The following SLIT1 variants were observed in gnomAD, a reference collection of about 807,000 sequenced individuals.
SLIT1 encodes the protein slit homolog 1 protein.
Under a neutral mutation model 186.1 loss-of-function variants are expected in SLIT1, and 66 were observed. The ratio of observed to expected loss-of-function variants is 0.35; its 90% CI spans 0.29 to 0.44. The LOEUF is 0.44. Among genes scored for constraint, SLIT1 ranks in the 20% least tolerant of loss-of-function variants. The probability of loss-of-function intolerance (pLI) is 1.00; values close to 1 mark genes in which losing one functional copy is unlikely to be tolerated. For synonymous variants in SLIT1, 761 were observed against 833.8 expected (o/e 0.91, Z 1.50); for missense variants, 1,638 against 2,037.4 (o/e 0.80, Z 3.77).
rs753216640 is a variant in SLIT1, at chr10:97,171,995, C to G, written c.198-7105G>C. Among the ~76,000 whole-genome samples, 19 of 151,956 alleles carry G rather than the reference C, an allele frequency of 1.3e-4. 1 individual carries two copies. The highest frequency in any genetic ancestry group is 2.1e-4 in the Non-Finnish European group (14 of 67,994). ...GGCAAACCTTCTTATCACAGGCCCACAGAGCGCCCCAACCCTCTCCTCTGT... is the reference window on the plus strand; with the variant it reads ...GGCAAACCTTCTTATCACAGGCCCAGAGAGCGCCCCAACCCTCTCCTCTGT... On this transcript the variant is annotated intron_variant, in intron 1 of 36. Coordinates refer to ENST00000266058, the MANE Select transcript of SLIT1 (RefSeq NM_003061.3).
At chr10:97,145,428 G>A (rs551763038) in intron 4 of SLIT1, among the ~76,000 whole-genome samples, 2 of 152,072 alleles carry the variant, frequency 1.3e-5, no homozygotes, top group Non-Finnish European at 2.9e-5. Context: ...TTTTCATGCT[G>A]TCCATTTTTC....
chr10:97,166,570 A>AGAAG (rs1850115626), intron 1 of SLIT1, among the ~76,000 whole-genome samples: 1 of 49,818 alleles, frequency 2.0e-5, no homozygotes, highest in African/African-American at 8.3e-5. Context: ...AGAGAGAGAG[A>AGAAG]GAAAGAAAGA....
At chr10:97,157,679 C>T (rs547577133) in intron 4 of SLIT1, 139 bp downstream of exon 4, 23 of 708,184 alleles carry the variant, frequency 3.2e-5, no homozygotes, top group Non-Finnish European at 5.3e-5. Context: ...CTTTGATGCC[C>T]TGGACCATTC....
chr10:97,177,672 C>T (rs926401070), intron 1 of SLIT1, among the ~76,000 whole-genome samples: 1 of 151,978 alleles, frequency 6.6e-6, no homozygotes. Flanking sequence ...TACTATGAAA[C>T]CATAAAAAAA....
chr10:97,094,224 A>C (rs1323733996), intron 4 of SLIT1, among the ~76,000 whole-genome samples: 3 of 152,228 alleles, frequency 2.0e-5, no homozygotes, highest in Non-Finnish European at 4.4e-5. Flanking sequence ...CTGGAACCAG[A>C]ACCTCCAGGG....
intron 4 of SLIT1, among the ~76,000 whole-genome samples, chr10:97,099,446 C>A (rs1849327727): frequency 6.6e-6 from 1 of 151,844 alleles, no homozygotes; most frequent in South Asian, 2.1e-4. Flanking sequence ...GAAAAAGACT[C>A]CAGGTTGGGG....
At chr10:97,153,357 A>G (rs1415183742) in intron 4 of SLIT1, 2 of 152,270 alleles carry the variant, frequency 1.3e-5, no homozygotes, top group African/African-American at 4.8e-5. Flanking sequence ...CACCACCTAC[A>G]GACTTGGTGA....
At chr10:97,046,305 C>A (rs536031182) in intron 18 of SLIT1, among the ~76,000 whole-genome samples, 3 of 152,304 alleles carry the variant, frequency 2.0e-5, no homozygotes, top group African/African-American at 7.2e-5. Context: ...TTGGCAAGGT[C>A]ATCCAGCCCC....
Position 97,001,083 on chromosome 10 carries a change from C to T in SLIT1, c.*29G>A, listed in dbSNP as rs778674540. The T allele has an allele frequency of 1.9e-5, 30 of 1,590,768 alleles. No individual in the cohort carries two copies. Among genetic ancestry groups the T allele is most frequent in the Admixed American group, 1.0e-4 (6 of 59,692 alleles). On this transcript the variant is annotated 3_prime_UTR_variant, in exon 37 of 37. Coordinates refer to ENST00000266058, the MANE Select transcript of SLIT1 (RefSeq NM_003061.3). ...GCTGCAGCGGCTGGGGCCCCTTGCC[C>T]GCCCTCACCGGCCTGTCCACGCCCA...
At chr10:97,167,853 T>C (rs192983836) in intron 1 of SLIT1, among the ~76,000 whole-genome samples, 1 of 152,330 alleles carries the variant, frequency 6.6e-6, no homozygotes, top group East Asian at 1.9e-4. Flanking sequence ...CACTTCTCCT[T>C]GCTCCCGCCA....
In SLIT1 at chr10:97,022,001, AGCTGTTGGGGCCAT is replaced by A. The variant is rs1373238891; in HGVS notation, c.2583-602_2583-589del. 3.3e-5 allele frequency among the ~76,000 whole-genome samples: 5 copies of A among 152,230 alleles called. No individual in the cohort carries two copies. The highest frequency in any genetic ancestry group is 2.0e-4 in the Admixed American group (3 of 15,288). ...CCTAAGATCACACAGAGAAACGGGA[AGCTGTTGGGGCCAT>A]GCTGTTGGGGCCAGAGCCTACGAAT... On this transcript the variant is annotated intron_variant, in intron 25 of 36. Transcript: ENST00000266058. The surrounding 1 kb of genome is among the most constrained non-coding windows in gnomAD (Gnocchi z 4.2).
intron 4 of SLIT1, among the ~76,000 whole-genome samples, chr10:97,119,768 C>T (rs1022210226): frequency 1.3e-5 from 2 of 151,496 alleles, no homozygotes; most frequent in Non-Finnish European, 1.5e-5. Flanking sequence ...AACATTTCAC[C>T]CCATCAGCTA....
At chr10:97,108,017 C>T (rs1036288392) in intron 4 of SLIT1, among the ~76,000 whole-genome samples, 6 of 152,240 alleles carry the variant, frequency 3.9e-5, no homozygotes, top group East Asian at 3.9e-4. Flanking sequence ...GACACACACA[C>T]GTGCCCAGCT....
intron 4 of SLIT1, among the ~76,000 whole-genome samples, chr10:97,130,366 TCATC>T (rs2134694359): frequency 6.6e-6 from 1 of 152,332 alleles, no homozygotes; most frequent in South Asian, 2.1e-4. Flanking sequence ...GCCTCAGTGT[TCATC>T]CACGGATAAA....
At chr10:97,013,419 C>G (rs1385595831) in intron 30 of SLIT1, among the ~76,000 whole-genome samples, 2 of 152,148 alleles carry the variant, frequency 1.3e-5, no homozygotes, top group African/African-American at 4.8e-5. Context: ...AAGTGCTTTC[C>G]ATGCATTTTC....
At chr10:97,171,875 T>C (rs919622750) in intron 1 of SLIT1, among the ~76,000 whole-genome samples, 1 of 151,940 alleles carries the variant, frequency 6.6e-6, no homozygotes, top group East Asian at 1.9e-4. Flanking sequence ...GCCTGCTCTG[T>C]GTCCACCAAC....
chr10:97,009,075 C>A (rs909725767), intron 31 of SLIT1, among the ~76,000 whole-genome samples: 1 of 151,978 alleles, frequency 6.6e-6, no homozygotes, highest in African/African-American at 2.4e-5. Flanking sequence ...GGTGGGGTTT[C>A]ACTGTGTTAG....
chr10:97,022,769 C>T lies in SLIT1; in HGVS notation c.2583-1356G>A, dbSNP rs912068212. 6.6e-6 allele frequency among the ~76,000 whole-genome samples: 1 copy of T among 152,222 alleles called. No homozygotes were observed. The highest frequency in any genetic ancestry group is 2.4e-5 in the African/African-American group (1 of 41,456). On this transcript the variant is annotated intron_variant, in intron 25 of 36. Transcript: ENST00000266058. The surrounding 1 kb of genome is among the most constrained non-coding windows in gnomAD (Gnocchi z 4.2). Reference sequence around the variant, plus strand: ...ACTGTCACTGCCCTCCACAAAGGGGCACACAGTCACAGGGTCACCATGCTC... The same window carrying T: ...ACTGTCACTGCCCTCCACAAAGGGGTACACAGTCACAGGGTCACCATGCTC...
At chr10:97,165,676 G>A (rs891556340) in intron 1 of SLIT1, among the ~76,000 whole-genome samples, 3 of 152,146 alleles carry the variant, frequency 2.0e-5, no homozygotes, top group South Asian at 2.1e-4. Flanking sequence ...AGAAACCGAG[G>A]GCCAGCGGAG....
Sources: allele counts gnomAD v4.1 joint callset (sites outside exome capture counted in the v4.1 genomes callset), GRCh38; gene constraint gnomAD v4.1.1; non-coding constraint Gnocchi (gnomAD v3.1); transcripts MANE v1.5; gene names NCBI Gene and HGNC (gene_info 2026-07-23, HGNC 2026-07-21).